MIGA1: variants seen among roughly 807,000 people sequenced by gnomAD.
The protein encoded by MIGA1 is mitoguardin 1.
In MIGA1, 58 loss-of-function variants were observed where a neutral mutation model predicts 82.0. That is an observed-to-expected ratio of 0.71 (90% CI 0.57 to 0.88). The LOEUF (loss-of-function observed/expected upper bound fraction) is 0.88, where lower values mean the gene tolerates loss of function less well. Among genes scored for constraint, MIGA1 ranks in the 40% least tolerant of loss-of-function variants. The probability of loss-of-function intolerance (pLI) is 0.00; values close to 1 mark genes in which losing one functional copy is unlikely to be tolerated. For synonymous variants in MIGA1, 249 were observed against 253.6 expected (o/e 0.98, Z 0.17); for missense variants, 751 against 749.1 (o/e 1.00, Z -0.03).
At chr1:77,856,415 C>T (rs1685256062) in intron 8 of MIGA1, among the ~76,000 whole-genome samples, 1 of 151,700 alleles carries the variant, frequency 6.6e-6, no homozygotes, top group Admixed American at 6.6e-5. Context: ...AGGGAGGGTT[C>T]CTTCTATCTT....
chr1:77,840,673 G>A (rs1429776210), intron 7 of MIGA1, among the ~76,000 whole-genome samples: 3 of 152,070 alleles, frequency 2.0e-5, no homozygotes, highest in East Asian at 1.9e-4. Context: ...TTAGCCGGGC[G>A]TGGTGGCACA....
At chr1:77,867,042 A>G (rs1488828635) in intron 14 of MIGA1, among the ~76,000 whole-genome samples, 2 of 152,180 alleles carry the variant, frequency 1.3e-5, no homozygotes, top group Non-Finnish European at 2.9e-5. Flanking sequence ...TAAGAAATAA[A>G]GATTTGATTC....
Position 77,878,744 on chromosome 1 carries a change from T to G in MIGA1, c.*3680T>G. On this transcript the variant is annotated 3_prime_UTR_variant, in exon 16 of 16. Transcript: ENST00000370791. ...TTTTTGTTCAACTAAGAGTGCTTAT[T>G]TCTTCTTGAAGGTTAACATTATGTT... 1 of 383,936 alleles carries G rather than the reference T, an allele frequency of 2.6e-6. No individual in the cohort carries two copies. The highest frequency in any genetic ancestry group is 4.6e-6 in the Non-Finnish European group (1 of 216,004). The allele number at this position is 383,936 out of a possible 1,614,324, so 23.8% of individuals were successfully genotyped here. A position where few individuals can be genotyped will look rare whatever the true frequency, so the allele number is the denominator to read the frequency against.
At chr1:77,782,586 T>A (rs1681970761) in intron 1 of MIGA1, among the ~76,000 whole-genome samples, 1 of 152,216 alleles carries the variant, frequency 6.6e-6, no homozygotes. Flanking sequence ...CCTGAACCAC[T>A]GCCTTAATGA....
At chr1:77,825,340 G>A (rs1185846120) in intron 7 of MIGA1, among the ~76,000 whole-genome samples, 1 of 152,088 alleles carries the variant, frequency 6.6e-6, no homozygotes, top group East Asian at 1.9e-4. Flanking sequence ...TAGGAGTTGT[G>A]CAATCACAAA....
chr1:77,843,195 A>T (rs1036069451), intron 7 of MIGA1, 112 bp from the exon 8 acceptor site: 2 of 642,046 alleles, frequency 3.1e-6, no homozygotes, highest in Non-Finnish European at 5.4e-6. Context: ...TCTTTTTGAC[A>T]CTAGTAGTCT....
chr1:77,861,483 G>A (rs771947142), intron 12 of MIGA1, 161 bp downstream of exon 12: 5 of 548,370 alleles, frequency 9.1e-6, no homozygotes, highest in South Asian at 2.5e-5. Context: ...CTCCTTGTAC[G>A]TTGGGGCAGT....
intron 5 of MIGA1, among the ~76,000 whole-genome samples, chr1:77,813,140 C>T (rs138001814): frequency 9.2e-5 from 14 of 152,196 alleles, no homozygotes; most frequent in African/African-American, 3.4e-4. Flanking sequence ...TATCACCACA[C>T]CTGGCTGCTT....
At chr1:77,858,764 G>C (rs1685357448) in intron 8 of MIGA1, among the ~76,000 whole-genome samples, 174 bp from the exon 9 acceptor site, 1 of 152,098 alleles carries the variant, frequency 6.6e-6, no homozygotes, top group Non-Finnish European at 1.5e-5. Flanking sequence ...GACCACAGGT[G>C]CATGCCTCCA....
chr1:77,836,170 C>T (rs532046142), intron 7 of MIGA1, among the ~76,000 whole-genome samples: 5 of 151,688 alleles, frequency 3.3e-5, no homozygotes, highest in East Asian at 1.9e-4. Flanking sequence ...GAGAACTGTA[C>T]GAACCACCAG....
chr1:77,859,428 C>T, intron 10 of MIGA1, 42 bp downstream of exon 10: 2 of 1,347,090 alleles, frequency 1.5e-6, no homozygotes, highest in Non-Finnish European at 2.1e-6. Flanking sequence ...GCCACTCATC[C>T]CCACCCTCAT....
Position 77,866,193 on chromosome 1 carries a change from A to C in MIGA1, c.1510-145A>C, listed in dbSNP as rs111730148. The C allele has an allele frequency of 5.1e-5, 34 of 660,728 alleles. 4 individuals carry two copies. The Middle Eastern group carries it at 1.7e-3, about 33-fold the overall frequency. 40.9% of individuals were successfully genotyped at this position (660,728 alleles called of 1,614,324 possible). The stretch of plus-strand genomic sequence containing the variant: ...GCTTCCCAAAGTGCTGGGATTACAG[A>C]TGTGAGCCACTGTGCCCGGCCGACT... On this transcript the variant is annotated intron_variant, in intron 13 of 15. Transcript: ENST00000370791.
chr1:77,838,957 A>C (rs956257630), intron 7 of MIGA1, among the ~76,000 whole-genome samples: 1 of 152,172 alleles, frequency 6.6e-6, no homozygotes, highest in African/African-American at 2.4e-5. Context: ...TCATTGTATG[A>C]ATATACTACG....
intron 2 of MIGA1, among the ~76,000 whole-genome samples, chr1:77,800,611 A>T (rs2101746570): frequency 6.6e-6 from 1 of 152,316 alleles, no homozygotes; most frequent in Non-Finnish European, 1.5e-5. Context: ...TCTTGCTCTG[A>T]TGTTAGTACT....
chr1:77,819,080 CAAAAAAAA>C (rs745979095), intron 7 of MIGA1, among the ~76,000 whole-genome samples: 1 of 63,330 alleles, frequency 1.6e-5, no homozygotes, highest in Non-Finnish European at 3.3e-5. Context: ...AACTCTGTCC[CAAAAAAAA>C]AAAAAAAAAG....
chr1:77,820,873 C>T (rs1462762640), intron 7 of MIGA1, among the ~76,000 whole-genome samples: 1 of 152,178 alleles, frequency 6.6e-6, no homozygotes, highest in Non-Finnish European at 1.5e-5. Flanking sequence ...GTGGCTCATG[C>T]CTGTAATCCC....
At position 77,875,150 on chromosome 1, in the gene MIGA1, A is replaced by G. The variant is rs1646884551; in HGVS notation, c.*86A>G. 1 of 1,081,056 alleles carries G rather than the reference A, an allele frequency of 9.3e-7. No homozygotes were observed. Among genetic ancestry groups the G allele is most frequent in the Non-Finnish European group, 1.4e-6 (1 of 736,728 alleles). 67.0% of individuals were successfully genotyped at this position (1,081,056 alleles called of 1,614,324 possible). ...TTGTAACATATATTACAAAGTTAAC[A>G]GAATTGATGCATGTGGATTCAGGGA... On this transcript the variant is annotated 3_prime_UTR_variant, in exon 16 of 16. Transcript: ENST00000370791.
In MIGA1 at chr1:77,803,286, T is replaced by C; in HGVS notation, c.390T>C (p.Ser130=). The change falls in exon 4 of 16, where the codon AGT becomes AGC. Residue 130 remains serine (S), a synonymous_variant. Coordinates refer to ENST00000370791, the MANE Select transcript of MIGA1 (RefSeq NM_198549.4). ...ATTTGATAGGTTCAAGTTGTTCCAG[T>C]AGCAGACAGAATTTGACATTATCTT... The C allele has an allele frequency of 6.5e-7, 1 of 1,531,658 alleles. No homozygotes were observed. The highest frequency in any genetic ancestry group is 8.8e-7 in the Non-Finnish European group (1 of 1,139,072). 94.9% of individuals were successfully genotyped at this position (1,531,658 alleles called of 1,614,324 possible). A position where few individuals can be genotyped will look rare whatever the true frequency, so the allele number is the denominator to read the frequency against.
In MIGA1 at chr1:77,869,777, G is replaced by A. The variant is rs1167239831; in HGVS notation, c.1564-3227G>A. The stretch of plus-strand genomic sequence containing the variant: ...TGCCTCCCGGACGGGGCGGCTGGCC[G>A]GGCAGAGGGGCTCCTCACTTCCCAG... On this transcript the variant is annotated intron_variant, in intron 14 of 15. Coordinates refer to ENST00000370791, the MANE Select transcript of MIGA1 (RefSeq NM_198549.4). Among the ~76,000 whole-genome samples the A allele has an allele frequency of 3.3e-4, 34 of 101,818 alleles. 1 individual carries two copies. Among genetic ancestry groups the A allele is most frequent in the African/African-American group, 1.3e-3 (30 of 23,862 alleles). 66.8% of individuals were successfully genotyped at this position (101,818 alleles called of 152,430 possible).
Sources: gnomAD v4.1 joint callset for allele counts (sites outside exome capture counted in the v4.1 genomes callset) on GRCh38, gnomAD v4.1.1 for gene constraint, MANE v1.5 for transcripts, NCBI Gene and HGNC (gene_info 2026-07-23, HGNC 2026-07-21) for gene names.